The following ESYT2 variants were observed in gnomAD, a reference collection of about 807,000 sequenced individuals.
The protein encoded by ESYT2 is extended synaptotagmin 2, also known as extended synaptotagmin-2.
Under a neutral mutation model 107.2 loss-of-function variants are expected in ESYT2, and 54 were observed. The ratio of observed to expected loss-of-function variants is 0.50; its 90% CI spans 0.40 to 0.63. The LOEUF (loss-of-function observed/expected upper bound fraction) is 0.63, where lower values mean the gene tolerates loss of function less well. Among genes scored for constraint, ESYT2 ranks in the 30% least tolerant of loss-of-function variants. ESYT2 has a pLI of 0.00. For synonymous variants in ESYT2, 491 were observed against 434.1 expected, an observed-to-expected ratio of 1.13 and a Z score of -1.63; for missense variants, 1,020 against 1,094.5, an observed-to-expected ratio of 0.93 and a Z score of 0.96.
At position 158,735,588 on chromosome 7, in the gene ESYT2, A is replaced by G; in HGVS notation, c.2420T>C (p.Leu807Ser). 2 of 1,613,926 alleles carry G rather than the reference A, an allele frequency of 1.2e-6. No homozygotes were observed. Among genetic ancestry groups the G allele is most frequent in the Non-Finnish European group, 1.7e-6 (2 of 1,179,826 alleles). The change falls in exon 21 of 23, where the codon TTA becomes TCA. Residue 807 changes from leucine (L) to serine (S), a missense_variant. Transcript: ENST00000275418. ...FDQSFDFSVS[L>S]PEVQRRTLDV... The stretch of plus-strand genomic sequence containing the variant: ...GAGCGTTCTCCTCTGCACTTCTGGT[A>G]ACGAAACACTGAAATCAAAGCTGAA...
intron 7 of ESYT2, among the ~76,000 whole-genome samples, chr7:158,772,084 T>G (rs1282705333): frequency 6.6e-6 from 1 of 151,306 alleles, no homozygotes; most frequent in South Asian, 2.1e-4. Flanking sequence ...ACTGTAACAC[T>G]GCACTCCAGC....
chr7:158,826,913 C>A (rs1027099057), intron 1 of ESYT2, among the ~76,000 whole-genome samples: 37 of 151,422 alleles, frequency 2.4e-4, no homozygotes, highest in African/African-American at 7.0e-4. Flanking sequence ...GCCTGTAATC[C>A]CTGCACTTGG....
intron 17 of ESYT2, 122 bp downstream of exon 17, chr7:158,743,407 G>T: frequency 1.5e-6 from 2 of 1,295,664 alleles, no homozygotes; most frequent in Non-Finnish European, 2.1e-6. Context: ...GCCCTCCTGC[G>T]GCCCAGAGCT....
intron 6 of ESYT2, among the ~76,000 whole-genome samples, chr7:158,781,337 CAA>C (rs922756595): frequency 6.0e-4 from 90 of 149,442 alleles, no homozygotes; most frequent in African/African-American, 2.1e-3. Flanking sequence ...GTGTTGAGAA[CAA>C]AGTGTGAGGT....
At chr7:158,822,880 A>AC (rs1426973735) in intron 1 of ESYT2, among the ~76,000 whole-genome samples, 1 of 152,166 alleles carries the variant, frequency 6.6e-6, no homozygotes, top group African/African-American at 2.4e-5. Flanking sequence ...AAATGTAAAT[A>AC]CCCCCAAACT....
chr7:158,828,879 G>T (rs1420188429), intron 1 of ESYT2, among the ~76,000 whole-genome samples: 1 of 150,752 alleles, frequency 6.6e-6, no homozygotes, highest in East Asian at 2.0e-4. Flanking sequence ...ACCGGCCCGG[G>T]GGCCGGGGCT....
intron 1 of ESYT2, among the ~76,000 whole-genome samples, chr7:158,826,819 CA>C (rs10685364): frequency 5.1e-5 from 6 of 117,032 alleles, no homozygotes; most frequent in East Asian, 2.5e-4. Flanking sequence ...GATTCCGTCT[CA>C]AAAAAAAAAA....
chr7:158,823,245 A>G (rs1344118158), intron 1 of ESYT2, among the ~76,000 whole-genome samples: 1 of 124,552 alleles, frequency 8.0e-6, no homozygotes, highest in Non-Finnish European at 1.6e-5. Flanking sequence ...CAGTGACCCG[A>G]GATGGTGCCA....
At chr7:158,759,457 C>A (rs774678844) in intron 13 of ESYT2, 29 bp downstream of exon 13, 1 of 1,561,378 alleles carries the variant, frequency 6.4e-7, no homozygotes. Flanking sequence ...GAAATACGCA[C>A]CCACAGGTGT....
intron 18 of ESYT2, 104 bp from the exon 19 acceptor site, chr7:158,739,225 AAAAG>A: frequency 1.0e-6 from 1 of 953,682 alleles, no homozygotes; most frequent in Non-Finnish European, 1.5e-6. Context: ...CATTTAGACA[AAAAG>A]AAGTCAAATT....
intron 6 of ESYT2, among the ~76,000 whole-genome samples, chr7:158,781,967 G>C (rs1399253408): frequency 1.8e-5 from 1 of 56,876 alleles, no homozygotes; most frequent in Non-Finnish European, 3.7e-5. Context: ...GAACGAGTGT[G>C]AGAACAAAGT....
chr7:158,828,988 C>T (rs1161048872), intron 1 of ESYT2, 101 bp downstream of exon 1: 3 of 1,492,494 alleles, frequency 2.0e-6, no homozygotes, highest in Admixed American at 2.2e-5. Context: ...GGGGTCTGCA[C>T]TCACCCAGGC....
chr7:158,743,568 C>T lies in ESYT2; in HGVS notation c.1755G>A (p.Ser585=), dbSNP rs753285248. The T allele has an allele frequency of 2.0e-5, 32 of 1,612,936 alleles. No homozygotes were observed. Among genetic ancestry groups the T allele is most frequent in the East Asian group, 4.5e-5 (2 of 44,660 alleles). ...TVSQRFQLSN[S]GPNSTIKMKI... ...TCATCTTGATGGTGCTGTTTGGACCCGAGTTACTGAGCTGGAAGCGCTGGC... is the reference window on the plus strand; with the variant it reads ...TCATCTTGATGGTGCTGTTTGGACCTGAGTTACTGAGCTGGAAGCGCTGGC... The change falls in exon 17 of 23, where the codon TCG becomes TCA. Residue 585 remains serine (S), a synonymous_variant. Transcript: ENST00000275418.
intron 17 of ESYT2, 148 bp downstream of exon 17, chr7:158,743,381 T>TA (rs1837279512): frequency 1.1e-6 from 1 of 935,872 alleles, no homozygotes; most frequent in African/African-American, 1.7e-5. Context: ...CAACAATATC[T>TA]CCTCCCTGCA....
At chr7:158,735,872 G>C (rs1587362790) in intron 20 of ESYT2, among the ~76,000 whole-genome samples, 3 of 152,124 alleles carry the variant, frequency 2.0e-5, no homozygotes, top group African/African-American at 7.2e-5. Flanking sequence ...TCACGGGTGG[G>C]TGAGGAGCGT....
chr7:158,797,742 T>C (rs1462091612), intron 3 of ESYT2, among the ~76,000 whole-genome samples, 200 bp downstream of exon 3: 3 of 151,428 alleles, frequency 2.0e-5, no homozygotes, highest in Admixed American at 2.0e-4. Context: ...TAGTCCCAGC[T>C]ACTCGGGAGG....
At chr7:158,782,104 CAA>C (rs752226904) in intron 6 of ESYT2, among the ~76,000 whole-genome samples, 32 of 149,024 alleles carry the variant, frequency 2.1e-4, no homozygotes, top group East Asian at 1.0e-3. Flanking sequence ...TGAACGACAA[CAA>C]AGTGTGAGGT....
intron 6 of ESYT2, among the ~76,000 whole-genome samples, chr7:158,781,299 GTGTGAGAACAAC>G (rs1354747142): frequency 1.8e-4 from 1 of 5,612 alleles, no homozygotes; most frequent in African/African-American, 4.6e-4. Context: ...AGTGTGCGGT[GTGTGAGAACAAC>G]TGTGAGAGTG....
At position 158,799,077 on chromosome 7, in the gene ESYT2, G is replaced by A. The variant is rs1420829920; in HGVS notation, c.331-5C>T. ...TTCAGTGTCTGGAAAATGAACCTAG[G>A]AGGAAAATACACACATATGACTTAT... On this transcript the variant is annotated splice_region_variant and splice_polypyrimidine_tract_variant and intron_variant, in intron 1 of 22. Transcript: ENST00000275418. The A allele has an allele frequency of 6.2e-7, 1 of 1,613,152 alleles. No homozygotes were observed. The highest frequency in any genetic ancestry group is 1.7e-5 in the Admixed American group (1 of 59,938).
Sources: allele counts gnomAD v4.1 joint callset (sites outside exome capture counted in the v4.1 genomes callset), GRCh38; gene constraint gnomAD v4.1.1; transcripts MANE v1.5; gene names NCBI Gene and HGNC (gene_info 2026-07-23, HGNC 2026-07-21).